RGL1: variants seen among roughly 807,000 people sequenced by gnomAD.
The protein encoded by RGL1 is ral guanine nucleotide dissociation stimulator-like 1.
RGL1 carries 24 observed loss-of-function variants against 95.2 expected under a neutral mutation model. The observed-to-expected ratio is 0.25, with a 90% CI of 0.18 to 0.35. RGL1 has a LOEUF of 0.35. Ranked by LOEUF, RGL1 falls within the 10% of genes least tolerant of loss-of-function variation. The pLI is 1.00. For missense variants in RGL1, 715 were observed against 936.3 expected, an observed-to-expected ratio of 0.76 and a Z score of 3.08; for synonymous variants, 329 against 344.9, an observed-to-expected ratio of 0.95 and a Z score of 0.51.
At chr1:183,662,695 G>T (rs1482055668) in intron 1 of RGL1, among the ~76,000 whole-genome samples, 1 of 152,124 alleles carries the variant, frequency 6.6e-6, no homozygotes, top group African/African-American at 2.4e-5. Flanking sequence ...CTTCTTCACA[G>T]AATTGGAAAA....
chr1:183,651,502 A>C (rs1048968551), intron 1 of RGL1, among the ~76,000 whole-genome samples: 3 of 152,124 alleles, frequency 2.0e-5, no homozygotes, highest in African/African-American at 4.8e-5. Flanking sequence ...CAGAGTTCCT[A>C]TGCTAATCCT....
chr1:183,700,047 G>A (rs1043631689), intron 1 of RGL1, among the ~76,000 whole-genome samples: 5 of 152,092 alleles, frequency 3.3e-5, no homozygotes, highest in African/African-American at 7.2e-5. Context: ...AAGCCTTCCC[G>A]TATTGCATGG....
At chr1:183,831,190 T>C (rs1315096660) in intron 2 of RGL1, among the ~76,000 whole-genome samples, 1 of 151,778 alleles carries the variant, frequency 6.6e-6, no homozygotes, top group Non-Finnish European at 1.5e-5. Context: ...CTCTAGGGGG[T>C]TTATCTGAGT....
At chr1:183,776,300 T>C (rs975155774) in intron 2 of RGL1, among the ~76,000 whole-genome samples, 109 of 151,404 alleles carry the variant, frequency 7.2e-4, no homozygotes, top group Middle Eastern at 3.4e-3. Flanking sequence ...AGGCGCCCGC[T>C]ACCACGCCCG....
intron 14 of RGL1, among the ~76,000 whole-genome samples, chr1:183,908,033 T>C (rs185389074): frequency 1.3e-5 from 2 of 152,080 alleles, no homozygotes; most frequent in East Asian, 3.9e-4. Context: ...ACAACAAATA[T>C]ATATATATAT....
chr1:183,884,607 A>G (rs1472562114), intron 6 of RGL1, 116 bp from the exon 7 acceptor site: 16 of 763,338 alleles, frequency 2.1e-5, no homozygotes, highest in Non-Finnish European at 3.2e-5. Context: ...CAAATCAAGT[A>G]GAAAAGGATT....
At chr1:183,746,805 TC>T (rs1657666699) in intron 2 of RGL1, among the ~76,000 whole-genome samples, 1 of 151,916 alleles carries the variant, frequency 6.6e-6, no homozygotes, top group African/African-American at 2.4e-5. Context: ...TTGCCCCCCA[TC>T]CCCCAACAGG....
chr1:183,844,830 C>T (rs1430432040), intron 2 of RGL1, among the ~76,000 whole-genome samples: 1 of 152,166 alleles, frequency 6.6e-6, no homozygotes, highest in Non-Finnish European at 1.5e-5. Context: ...TTTGCCTGAA[C>T]CAGATCCCTC....
intron 1 of RGL1, among the ~76,000 whole-genome samples, chr1:183,723,161 T>C (rs1157403905): frequency 6.6e-6 from 1 of 152,086 alleles, no homozygotes; most frequent in East Asian, 1.9e-4. Context: ...AAGCCCTAGA[T>C]GAATCATTAA....
chr1:183,902,449 A>T, intron 11 of RGL1, 119 bp from the exon 12 acceptor site: 1 of 690,698 alleles, frequency 1.4e-6, no homozygotes, highest in Admixed American at 3.0e-5. Flanking sequence ...TAATTATAGG[A>T]TCATTGATAA....
chr1:183,713,865 C>A (rs1655455548), intron 1 of RGL1, among the ~76,000 whole-genome samples: 1 of 152,130 alleles, frequency 6.6e-6, no homozygotes, highest in South Asian at 2.1e-4. Context: ...ACCGCTGTAT[C>A]CCTAGGCCCT....
chr1:183,730,943 T>A (rs564554015), intron 1 of RGL1, among the ~76,000 whole-genome samples: 1 of 152,306 alleles, frequency 6.6e-6, no homozygotes, highest in Non-Finnish European at 1.5e-5. Flanking sequence ...ACACACTTTC[T>A]TTTTGTCCCG....
intron 3 of RGL1, among the ~76,000 whole-genome samples, chr1:183,864,568 T>C (rs976089901): frequency 6.6e-6 from 1 of 152,252 alleles, no homozygotes; most frequent in African/African-American, 2.4e-5. Context: ...ATTAGGAATC[T>C]TGTTTTCCAT....
intron 2 of RGL1, among the ~76,000 whole-genome samples, chr1:183,844,231 T>G (rs1046228790): frequency 6.6e-6 from 1 of 152,222 alleles, no homozygotes; most frequent in African/African-American, 2.4e-5. Context: ...CATCCTGACA[T>G]TTTTGTATTA....
intron 1 of RGL1, among the ~76,000 whole-genome samples, chr1:183,651,936 C>T (rs1169103761): frequency 6.6e-6 from 1 of 152,178 alleles, no homozygotes; most frequent in Non-Finnish European, 1.5e-5. Context: ...CAAAACCAAG[C>T]CCAAACTTTC....
At chr1:183,907,588 C>T (rs1031100064) in intron 14 of RGL1, among the ~76,000 whole-genome samples, 1 of 152,198 alleles carries the variant, frequency 6.6e-6, no homozygotes, top group Admixed American at 6.5e-5. Flanking sequence ...TGTGCCTGGC[C>T]TGAAATGCTC....
chr1:183,667,180 ATC>A (rs569842207), intron 1 of RGL1, among the ~76,000 whole-genome samples: 1 of 152,084 alleles, frequency 6.6e-6, no homozygotes, highest in Non-Finnish European at 1.5e-5. Flanking sequence ...AGCATGGTAT[ATC>A]TTTCTTTATC....
chr1:183,889,374 C>T (rs1410093003), intron 8 of RGL1, among the ~76,000 whole-genome samples: 1 of 152,152 alleles, frequency 6.6e-6, no homozygotes, highest in African/African-American at 2.4e-5. Context: ...TAGGCTATAT[C>T]AGGGAAGAAT....
At chr1:183,909,329 T>A (rs917326687) in intron 14 of RGL1, among the ~76,000 whole-genome samples, 2 of 152,194 alleles carry the variant, frequency 1.3e-5, no homozygotes, top group Admixed American at 6.5e-5. Context: ...TTAGGCCTAG[T>A]TTGAAAGTTA....
Sources: allele counts gnomAD v4.1 joint callset (sites outside exome capture counted in the v4.1 genomes callset), GRCh38; gene constraint gnomAD v4.1.1; transcripts MANE v1.5; gene names NCBI Gene and HGNC (gene_info 2026-07-23, HGNC 2026-07-21).